SPNS3: variants seen among roughly 807,000 people sequenced by gnomAD.
SPNS3 encodes protein spinster homolog 3.
In SPNS3, 51 loss-of-function variants were observed where a neutral mutation model predicts 54.4. That is an observed-to-expected ratio of 0.94 (90% CI 0.75 to 1.18). The LOEUF (loss-of-function observed/expected upper bound fraction) is 1.18. Among genes scored for constraint, SPNS3 ranks in the 50% most tolerant of loss-of-function variants. SPNS3 has a pLI of 0.00. For missense variants in SPNS3, 669 were observed against 677.4 expected (o/e 0.99, Z 0.14); for synonymous variants, 309 against 294.7 (o/e 1.05, Z -0.50).
chr17:4,475,699 G>C (rs200832857), intron 8 of SPNS3, among the ~76,000 whole-genome samples: 2 of 152,336 alleles, frequency 1.3e-5, no homozygotes, highest in East Asian at 3.9e-4. Flanking sequence ...CAGCTGTTCA[G>C]TGTGAGGTGC....
chr17:4,466,793 C>T (rs1205275364), intron 8 of SPNS3, among the ~76,000 whole-genome samples: 5 of 151,758 alleles, frequency 3.3e-5, no homozygotes, highest in East Asian at 1.9e-4. Flanking sequence ...TGCAGTGAGC[C>T]GAGATCGCAC....
intron 2 of SPNS3, among the ~76,000 whole-genome samples, chr17:4,443,017 A>T (rs1970891881): frequency 6.6e-6 from 1 of 152,040 alleles, no homozygotes; most frequent in Admixed American, 6.6e-5. Context: ...CCTGCAAGTG[A>T]TCCCTGCATG....
At position 4,445,095 on chromosome 17, in the gene SPNS3, G is replaced by T. The variant is rs534675538; in HGVS notation, c.329G>T (p.Arg110Leu). The T allele has an allele frequency of 3.5e-5, 56 of 1,614,002 alleles. No homozygotes were observed. Among genetic ancestry groups the T allele is most frequent in the Admixed American group, 2.8e-4 (17 of 59,998 alleles). Reference protein sequence around the residue: ...VFGYLGDRHSRKATMSFGILL... With the variant: ...VFGYLGDRHSLKATMSFGILL... Reference sequence around the variant, plus strand: ...GGCTACCTGGGCGACCGACATAGCCGCAAGGCTACCATGAGCTTCGGTATC... The same window carrying T: ...GGCTACCTGGGCGACCGACATAGCCTCAAGGCTACCATGAGCTTCGGTATC... Residue 110 changes from arginine (R) to leucine (L), a missense_variant, in exon 3 of 12, where the codon CGC (arginine) becomes CTC (leucine). Physicochemically the swap from Arg to Leu is moderately radical, Grantham distance 102. Transcript: ENST00000355530.
chr17:4,441,427 T>C (rs1301561140), intron 2 of SPNS3, among the ~76,000 whole-genome samples: 1 of 152,084 alleles, frequency 6.6e-6, no homozygotes, highest in African/African-American at 2.4e-5. Flanking sequence ...CTTTAGAACA[T>C]GCATGGTTTC....
chr17:4,454,825 A>G (rs1175163342), intron 8 of SPNS3, among the ~76,000 whole-genome samples: 1 of 151,244 alleles, frequency 6.6e-6, no homozygotes, highest in African/African-American at 2.4e-5. Flanking sequence ...GGGTTTCACT[A>G]TGTTGGCCAG....
chr17:4,453,547 G>C (rs759035852), intron 8 of SPNS3, among the ~76,000 whole-genome samples: 1 of 152,248 alleles, frequency 6.6e-6, no homozygotes, highest in African/African-American at 2.4e-5. Flanking sequence ...GAACGCGGGA[G>C]GTGGAGGTTG....
intron 8 of SPNS3, among the ~76,000 whole-genome samples, chr17:4,455,405 C>A (rs867247188): frequency 1.3e-5 from 2 of 152,202 alleles, no homozygotes; most frequent in Non-Finnish European, 2.9e-5. Flanking sequence ...TGCCTGTGTC[C>A]GGAGCTGTTT....
At chr17:4,447,068 G>T (rs1047694981) in intron 5 of SPNS3, 106 bp downstream of exon 5, 9 of 1,085,376 alleles carry the variant, frequency 8.3e-6, no homozygotes, top group East Asian at 4.9e-5. Context: ...GCGCCATTAG[G>T]GGGACGGGGG....
At chr17:4,473,173 T>C (rs531504584) in intron 8 of SPNS3, among the ~76,000 whole-genome samples, 7 of 152,150 alleles carry the variant, frequency 4.6e-5, no homozygotes, top group African/African-American at 1.7e-4. Context: ...GTTTTTTGCT[T>C]CTGTGTGGGA....
intron 6 of SPNS3, among the ~76,000 whole-genome samples, 174 bp from the exon 7 acceptor site, chr17:4,449,061 G>A (rs937554915): frequency 1.3e-5 from 2 of 152,088 alleles, no homozygotes; most frequent in African/African-American, 4.8e-5. Flanking sequence ...CTTCTTCTTC[G>A]GAGCCTCAGT....
At chr17:4,435,613 C>G (rs954672624) in intron 1 of SPNS3, among the ~76,000 whole-genome samples, 1 of 151,954 alleles carries the variant, frequency 6.6e-6, no homozygotes, top group Non-Finnish European at 1.5e-5. Flanking sequence ...GACAGGGTAG[C>G]CTGGGCCAGA....
intron 8 of SPNS3, among the ~76,000 whole-genome samples, chr17:4,463,411 A>C (rs546065620): frequency 7.1e-6 from 1 of 139,980 alleles, no homozygotes; most frequent in East Asian, 2.0e-4. Flanking sequence ...AAAAAAAAAA[A>C]CAAAACAAAA....
At chr17:4,454,639 CAG>C (rs1420708650) in intron 8 of SPNS3, among the ~76,000 whole-genome samples, 6 of 102,182 alleles carry the variant, frequency 5.9e-5, no homozygotes, top group Admixed American at 1.4e-4. Flanking sequence ...TTTTTTGAGA[CAG>C]AGTCTTGCTC....
chr17:4,437,313 C>T (rs960727236), intron 1 of SPNS3, among the ~76,000 whole-genome samples: 7 of 152,070 alleles, frequency 4.6e-5, no homozygotes, highest in African/African-American at 1.4e-4. Context: ...AAGATGGGCA[C>T]AATTTGGAGC....
At chr17:4,468,809 A>G (rs1214842934) in intron 8 of SPNS3, among the ~76,000 whole-genome samples, 1 of 79,340 alleles carries the variant, frequency 1.3e-5, no homozygotes, top group African/African-American at 4.7e-5. Flanking sequence ...TTTTTTTTTG[A>G]CGGAGTTTTG....
At position 4,446,060 on chromosome 17, in the gene SPNS3, T is replaced by C; in HGVS notation, c.415T>C (p.Phe139Leu). The stretch of plus-strand genomic sequence containing the variant: ...CCTGCTCGCCCAGTATTCTTGGCTC[T>C]TCTTCCTGTCCCGGGGCATCGTGGG... ...SFISPRYSWL[F>L]FLSRGIVGTG... is the part of the protein sequence containing the mutation. Residue 139 changes from phenylalanine to leucine, a missense_variant, in exon 4 of 12, where the codon TTC (phenylalanine) becomes CTC (leucine). Transcript: ENST00000355530. The C allele has an allele frequency of 6.2e-7, 1 of 1,609,074 alleles. No homozygotes were observed. Among genetic ancestry groups the C allele is most frequent in the Non-Finnish European group, 8.5e-7 (1 of 1,176,488 alleles).
intron 4 of SPNS3, 162 bp from the exon 5 acceptor site, chr17:4,446,734 T>C (rs185744086): frequency 1.2e-5 from 8 of 661,338 alleles, no homozygotes; most frequent in Non-Finnish European, 2.2e-5. Context: ...GCAGTGGACA[T>C]CTGGGCCTCA....
At chr17:4,457,791 T>C (rs1046648805) in intron 8 of SPNS3, among the ~76,000 whole-genome samples, 3 of 152,178 alleles carry the variant, frequency 2.0e-5, no homozygotes, top group Non-Finnish European at 4.4e-5. Flanking sequence ...CTAGAGCTGG[T>C]TGTCTCATCC....
At chr17:4,462,754 AATCC>A (rs1194188864) in intron 8 of SPNS3, among the ~76,000 whole-genome samples, 6,243 of 20,094 alleles carry the variant, frequency 0.31, 857 homozygotes, top group East Asian at 0.62. Context: ...TCCATCCACC[AATCC>A]ATCCATCCAT....
Sources: allele counts gnomAD v4.1 joint callset (sites outside exome capture counted in the v4.1 genomes callset), GRCh38; gene constraint gnomAD v4.1.1; transcripts MANE v1.5; gene names NCBI Gene and HGNC (gene_info 2026-07-23, HGNC 2026-07-21).